Variants in LRRC23 observed in about 807,000 individuals in gnomAD.
LRRC23 encodes leucine-rich repeat-containing protein 23.
Under a neutral mutation model 37.7 loss-of-function variants are expected in LRRC23, and 28 were observed. That is an observed-to-expected ratio of 0.74 (90% CI 0.55 to 1.02). The LOEUF is 1.02. LRRC23 is among the 50% of genes least tolerant of loss of function. The pLI is 0.00. For synonymous variants in LRRC23, 161 were observed against 165.4 expected (o/e 0.97, Z 0.20); for missense variants, 377 against 413.2 (o/e 0.91, Z 0.76).
Position 6,912,848 on chromosome 12 carries a change from C to G in LRRC23, c.877C>G (p.Leu293Val), listed in dbSNP as rs369158349. The change falls in exon 7 of 8, where the codon CTG (leucine) becomes GTG (valine). Residue 293 changes from leucine to valine, a missense_variant. Leu to Val is a conservative substitution (Grantham distance 32). Around this residue, in one of 3 missense-constraint regions of LRRC23, gnomAD observed 266 missense variants for 285.6 expected, o/e 0.93. Coordinates refer to ENST00000443597, the MANE Select transcript of LRRC23 (RefSeq NM_001135217.2). ...TDETSYRQEA[L>V]VQMPYLERLD... is the part of the protein sequence containing the mutation. Reference sequence around the variant, plus strand: ...CGAAACCAGCTACCGCCAGGAGGCCCTGGTGCAGATGCCATACCTTGAACG... The same window carrying G: ...CGAAACCAGCTACCGCCAGGAGGCCGTGGTGCAGATGCCATACCTTGAACG... 6.2e-7 allele frequency: 1 copy of G among 1,614,084 alleles called. No individual in the cohort carries two copies. Among genetic ancestry groups the G allele is most frequent in the Non-Finnish European group, 8.5e-7 (1 of 1,180,022 alleles).
intron 5 of LRRC23, among the ~76,000 whole-genome samples, chr12:6,909,040 T>TAAA (rs1430479479): frequency 1.1e-5 from 1 of 87,198 alleles, no homozygotes; most frequent in African/African-American, 4.4e-5. Flanking sequence ...ATATTATATA[T>TAAA]TATATAATTA....
Position 6,909,881 on chromosome 12 carries a change from G to C in LRRC23, c.622-9G>C, listed in dbSNP as rs1945116111. 1 of 1,607,788 alleles carries C rather than the reference G, an allele frequency of 6.2e-7. No individual in the cohort carries two copies. The highest frequency in any genetic ancestry group is 1.7e-5 in the Admixed American group (1 of 59,226). On this transcript the variant is annotated splice_polypyrimidine_tract_variant and intron_variant, in intron 5 of 7. Coordinates refer to ENST00000443597, the MANE Select transcript of LRRC23 (RefSeq NM_001135217.2). ...CTCTCAATCAATCCACTGTGCCCTG[G>C]GGGTCTAGGCCCAAAACATGCTGAA...
rs1185632779 is a variant in LRRC23 at position 6,914,050 on chromosome 12, G to A, written c.*184G>A. The A allele has an allele frequency of 6.2e-7, 1 of 1,600,534 alleles. No homozygotes were observed. Among genetic ancestry groups the A allele is most frequent in the East Asian group, 2.2e-5 (1 of 44,684 alleles). ...CTGTGCCGGTCCTCTGGGCAGTGTG[G>A]GGTGCAGAATGGGGTGCCTAGGCCT... On this transcript the variant is annotated 3_prime_UTR_variant, in exon 8 of 8. Transcript: ENST00000443597. The surrounding 1 kb of genome is among the most constrained non-coding windows in gnomAD (Gnocchi z 7.1).
rs782644204 is a variant in LRRC23, at chr12:6,905,971, C to T, written c.236+17C>T. ...TAAAGAGAGGTGCGTTTTGGGGGGA[C>T]CAGATGAGGACTGTGAGACTGTAGG... On this transcript the variant is annotated intron_variant, in intron 3 of 7. Coordinates refer to ENST00000443597, the MANE Select transcript of LRRC23 (RefSeq NM_001135217.2). 1 of 1,599,978 alleles carries T rather than the reference C, an allele frequency of 6.3e-7. No homozygotes were observed. The highest frequency in any genetic ancestry group is 8.6e-7 in the Non-Finnish European group (1 of 1,167,866).
At chr12:6,912,431 T>G (rs1240928743) in intron 6 of LRRC23, among the ~76,000 whole-genome samples, 1 of 152,050 alleles carries the variant, frequency 6.6e-6, no homozygotes, top group East Asian at 1.9e-4. Context: ...TGAGGAAAAT[T>G]TGCCCTCTCC....
chr12:6,907,538 A>G, intron 5 of LRRC23, 93 bp downstream of exon 5: 1 of 1,283,388 alleles, frequency 7.8e-7, no homozygotes, highest in East Asian at 2.3e-5. Flanking sequence ...TACTAACTTC[A>G]TCATTATGAT....
chr12:6,910,118 C>T (rs1469792630), intron 6 of LRRC23, 92 bp downstream of exon 6: 43 of 1,248,514 alleles, frequency 3.4e-5, no homozygotes, highest in Non-Finnish European at 4.7e-5. Flanking sequence ...TCCCCCAGTC[C>T]TAGCCCACAG....
At chr12:6,913,332 G>C (rs1945216514) in intron 7 of LRRC23, 1 of 358,938 alleles carries the variant, frequency 2.8e-6, no homozygotes, top group Non-Finnish European at 5.2e-6. Flanking sequence ...GAAAGGACAG[G>C]TGTGGGTGCA....
chr12:6,907,164 A>T, intron 4 of LRRC23, 151 bp from the exon 5 acceptor site: 1 of 856,558 alleles, frequency 1.2e-6, no homozygotes, highest in Non-Finnish European at 1.9e-6. Context: ...CACTTGCCTC[A>T]GGGCTCCAGA....
In LRRC23 at chr12:6,905,801, G is replaced by T. The variant is rs782284151; in HGVS notation, c.126+42G>T. ...GGAGGGGTCCTAGGGCTGAAGGAGG[G>T]GGTTGGGCAGGGGAGAGACACCTTA... is the stretch of plus-strand genomic sequence containing the variant. On this transcript the variant is annotated intron_variant, in intron 2 of 7. Transcript: ENST00000443597. 5 of 1,613,120 alleles carry T rather than the reference G, an allele frequency of 3.1e-6. No homozygotes were observed. In the South Asian group the frequency reaches 3.3e-5, roughly 11 times the overall value.
In LRRC23 at chr12:6,905,982, C is replaced by T. The variant is rs781793986; in HGVS notation, c.236+28C>T. The T allele has an allele frequency of 5.7e-6, 9 of 1,574,368 alleles. No individual in the cohort carries two copies. In the Admixed American group the frequency reaches 1.3e-4, roughly 23 times the overall value. ...GCGTTTTGGGGGGACCAGATGAGGA[C>T]TGTGAGACTGTAGGGCCCCTATCTC... On this transcript the variant is annotated intron_variant, in intron 3 of 7. Coordinates refer to ENST00000443597, the MANE Select transcript of LRRC23 (RefSeq NM_001135217.2).
In LRRC23 at chr12:6,912,882, A is replaced by T; in HGVS notation, c.911A>T (p.Lys304Met). The T allele has an allele frequency of 6.2e-7, 1 of 1,614,164 alleles. No individual in the cohort carries two copies. Among genetic ancestry groups the T allele is most frequent in the Non-Finnish European group, 8.5e-7 (1 of 1,180,034 alleles). ...VQMPYLERLD[K>M]EFYEEEERAE... ...ATGCCATACCTTGAACGCCTGGACA[A>T]GGAATTCTATGAGGAGGAGGAACGG... is the stretch of plus-strand genomic sequence containing the variant. The change falls in exon 7 of 8, where the codon AAG (lysine) becomes ATG (methionine). Residue 304 changes from lysine (K) to methionine (M), a missense_variant. Physicochemically the swap from Lys to Met is moderately conservative, Grantham distance 95. Coordinates refer to ENST00000443597, the MANE Select transcript of LRRC23 (RefSeq NM_001135217.2).
At chr12:6,913,174 A>G in intron 7 of LRRC23, 147 bp downstream of exon 7, 2 of 815,902 alleles carry the variant, frequency 2.5e-6, no homozygotes, top group South Asian at 1.8e-5. Flanking sequence ...GTTAGGAGTC[A>G]GGGAGAGGAA....
chr12:6,912,613 C>T, intron 6 of LRRC23, 117 bp from the exon 7 acceptor site: 1 of 919,060 alleles, frequency 1.1e-6, no homozygotes. Flanking sequence ...GCAGGCCAGT[C>T]CTCACAGTGT....
intron 4 of LRRC23, 185 bp downstream of exon 4, chr12:6,906,847 C>A: frequency 1.5e-6 from 1 of 655,114 alleles, no homozygotes; most frequent in Non-Finnish European, 2.6e-6. Flanking sequence ...AGACAAGGAA[C>A]GTCCCTATTC....
In LRRC23 at chr12:6,906,432, T is replaced by C; in HGVS notation, c.260T>C (p.Leu87Pro). Reference sequence around the variant, plus strand: ...AGGGACCTGACAGACATCTACTTGCTGCGCTCCTACATCCATCTGCGCTAT... The same window carrying C: ...AGGGACCTGACAGACATCTACTTGCCGCGCTCCTACATCCATCTGCGCTAT... ...KERDLTDIYL[L>P]RSYIHLRYVD... Residue 87 changes from leucine to proline, a missense_variant, in exon 4 of 8, where the codon CTG becomes CCG. By Grantham distance (98) the Leu-to-Pro change is moderately conservative (BLOSUM62 -3). Coordinates refer to ENST00000443597, the MANE Select transcript of LRRC23 (RefSeq NM_001135217.2). The C allele has an allele frequency of 6.2e-7, 1 of 1,614,122 alleles. No homozygotes were observed. Among genetic ancestry groups the C allele is most frequent in the Non-Finnish European group, 8.5e-7 (1 of 1,180,024 alleles).
Position 6,913,968 on chromosome 12 carries a change from T to C in LRRC23, c.*102T>C. 1.2e-6 allele frequency: 2 copies of C among 1,613,950 alleles called. No individual in the cohort carries two copies. Among genetic ancestry groups the C allele is most frequent in the Non-Finnish European group, 1.7e-6 (2 of 1,179,924 alleles). The stretch of plus-strand genomic sequence containing the variant: ...CACATGTATGACAGAGAACAGAGGA[T>C]GCCTGTTTTTGCCCCAAAGCTGGAA... On this transcript the variant is annotated 3_prime_UTR_variant, in exon 8 of 8. Transcript: ENST00000443597.
At position 6,905,596 on chromosome 12, in the gene LRRC23, A is replaced by T; in HGVS notation, c.-38A>T. 1 of 1,611,886 alleles carries T rather than the reference A, an allele frequency of 6.2e-7. No individual in the cohort carries two copies. Among genetic ancestry groups the T allele is most frequent in the Non-Finnish European group, 8.5e-7 (1 of 1,178,610 alleles). ...ACCTTCTTTTTCAGGAGGAGGACTG[A>T]GCTTATCTGACTCCAGAGCTTTCAG... is the stretch of plus-strand genomic sequence containing the variant. On this transcript the variant is annotated 5_prime_UTR_variant, in exon 2 of 8. Coordinates refer to ENST00000443597, the MANE Select transcript of LRRC23 (RefSeq NM_001135217.2).
intron 3 of LRRC23, 119 bp downstream of exon 3, chr12:6,906,073 G>A (rs1555139532): frequency 2.2e-6 from 2 of 900,024 alleles, no homozygotes; most frequent in East Asian, 2.5e-5. Context: ...TAGTGGAAAG[G>A]GAAGGACAGA....
Sources: gnomAD v4.1 joint callset for allele counts (sites outside exome capture counted in the v4.1 genomes callset) on GRCh38, gnomAD v4.1.1 for gene constraint, gnomAD v4.1.1 regional missense constraint, Gnocchi (gnomAD v3.1) non-coding constraint, MANE v1.5 for transcripts, NCBI Gene and HGNC (gene_info 2026-07-23, HGNC 2026-07-21) for gene names.